UMAD1: variants seen among roughly 807,000 people sequenced by gnomAD.
UMAD1 encodes UBAP1-MVB12-associated (UMA) domain containing 1, also known as UBAP1-MVB12-associated (UMA)-domain containing protein 1.
UMAD1 carries 8 observed loss-of-function variants against 6.1 expected under a neutral mutation model. The observed-to-expected ratio is 1.30, with a 90% CI of 0.76 to 2.35. UMAD1 has a LOEUF of 2.35. UMAD1 is among the 30% of genes most tolerant of loss of function. The probability of loss-of-function intolerance (pLI) is 0.00; values close to 1 mark genes in which losing one functional copy is unlikely to be tolerated. For missense variants in UMAD1, 130 were observed against 78.4 expected (o/e 1.66, Z -2.49); for synonymous variants, 56 against 31.4 (o/e 1.78, Z -2.61).
At chr7:7,690,088 T>C (rs1250376483) in intron 2 of UMAD1, among the ~76,000 whole-genome samples, 1 of 152,182 alleles carries the variant, frequency 6.6e-6, no homozygotes, top group Non-Finnish European at 1.5e-5. Flanking sequence ...CCCATTTGAT[T>C]TTCAGGAACG....
In UMAD1 at chr7:7,804,610, T is replaced by A. The variant is rs113008585; in HGVS notation, c.156+2867T>A. 5.0e-4 allele frequency among the ~76,000 whole-genome samples: 76 copies of A among 151,880 alleles called. 1 individual carries two copies. Among genetic ancestry groups the A allele is most frequent in the African/African-American group, 1.8e-3 (75 of 41,354 alleles). On this transcript the variant is annotated intron_variant, in intron 3 of 3. Coordinates refer to ENST00000682710, the MANE Select transcript of UMAD1 (RefSeq NM_001302348.2). ...ACTGCTTGAAACTGGGAGGCGGAGGTTGCAGTGAGCCAAGATTGTGCCACT... is the reference window on the plus strand; with the variant it reads ...ACTGCTTGAAACTGGGAGGCGGAGGATGCAGTGAGCCAAGATTGTGCCACT...
chr7:7,675,647 C>T (rs143140146), intron 2 of UMAD1, among the ~76,000 whole-genome samples: 2 of 152,330 alleles, frequency 1.3e-5, no homozygotes, highest in African/African-American at 4.8e-5. Flanking sequence ...AATATGCTCT[C>T]AGTACCAGCT....
chr7:7,641,001 G>A (rs10251718), intron 1 of UMAD1, 180 bp downstream of exon 1: 3 of 153,312 alleles, frequency 2.0e-5, no homozygotes, highest in African/African-American at 7.3e-5. Context: ...GGAGGCGCGG[G>A]AGTTTTGCGG....
chr7:7,650,979 G>C (rs989842950), intron 1 of UMAD1, among the ~76,000 whole-genome samples: 1 of 152,046 alleles, frequency 6.6e-6, no homozygotes, highest in Non-Finnish European at 1.5e-5. Flanking sequence ...CCCCATATTT[G>C]CTCTCTTAAA....
chr7:7,811,111 C>T (rs1783013816), intron 3 of UMAD1, among the ~76,000 whole-genome samples: 1 of 152,152 alleles, frequency 6.6e-6, no homozygotes, highest in Admixed American at 6.6e-5. Context: ...CTGGCTTGGA[C>T]ACATATTTGT....
intron 2 of UMAD1, among the ~76,000 whole-genome samples, chr7:7,791,976 T>C (rs6969913): frequency 0.7 from 106,609 of 152,114 alleles, 37,538 homozygotes; most frequent in East Asian, 0.82. Context: ...TTCTTTATAT[T>C]TTAGCAATCG....
At chr7:7,654,260 T>G (rs1388069317) in intron 1 of UMAD1, among the ~76,000 whole-genome samples, 1 of 152,088 alleles carries the variant, frequency 6.6e-6, no homozygotes, top group Non-Finnish European at 1.5e-5. Context: ...TGGAGGAGAG[T>G]AAAATTGTTT....
In UMAD1 at chr7:7,876,246, G is replaced by A. The variant is rs556990934; in HGVS notation, c.157-1035G>A. Among the ~76,000 whole-genome samples the A allele has an allele frequency of 9.9e-5, 15 of 152,230 alleles. No homozygotes were observed. In the South Asian group the frequency reaches 2.9e-3, roughly 29 times the overall value. The stretch of plus-strand genomic sequence containing the variant: ...AGGCAGAAGCAGGCTCGGTGTGCAC[G>A]AGCAAGCACTTGCAAGGAGCACTAG... On this transcript the variant is annotated intron_variant, in intron 3 of 3. Coordinates refer to ENST00000682710, the MANE Select transcript of UMAD1 (RefSeq NM_001302348.2).
chr7:7,667,708 A>G (rs973419087), intron 1 of UMAD1, among the ~76,000 whole-genome samples: 1 of 152,202 alleles, frequency 6.6e-6, no homozygotes, highest in Non-Finnish European at 1.5e-5. Context: ...ACTGACAAAG[A>G]CAGAAATGGA....
chr7:7,656,830 A>C (rs1284731095), intron 1 of UMAD1, among the ~76,000 whole-genome samples: 1 of 152,244 alleles, frequency 6.6e-6, no homozygotes, highest in Non-Finnish European at 1.5e-5. Context: ...GTATATACCC[A>C]GTAATGGGAT....
At chr7:7,683,304 A>G (rs1457901313) in intron 2 of UMAD1, among the ~76,000 whole-genome samples, 1 of 152,152 alleles carries the variant, frequency 6.6e-6, no homozygotes, top group Non-Finnish European at 1.5e-5. Context: ...TTCTGATTAA[A>G]AGGTCCTGGG....
At chr7:7,796,347 G>C (rs2115269097) in intron 2 of UMAD1, among the ~76,000 whole-genome samples, 1 of 140,560 alleles carries the variant, frequency 7.1e-6, no homozygotes, top group Non-Finnish European at 1.5e-5. Context: ...CGCCTCCCAG[G>C]TTCAAGTGAT....
At chr7:7,704,766 CAAAAAAAAAA>C (rs71011001) in intron 2 of UMAD1, among the ~76,000 whole-genome samples, 221 of 17,850 alleles carry the variant, frequency 0.012, no homozygotes, top group African/African-American at 0.043. Context: ...GACTCCATCT[CAAAAAAAAAA>C]AAAAAAAAAA....
intron 2 of UMAD1, among the ~76,000 whole-genome samples, chr7:7,707,486 GC>G (rs1780635839): frequency 6.6e-6 from 1 of 152,156 alleles, no homozygotes; most frequent in African/African-American, 2.4e-5. Flanking sequence ...CAGTGGGAAT[GC>G]CATATGCTCT....
chr7:7,758,056 A>T (rs559363525), intron 2 of UMAD1, among the ~76,000 whole-genome samples: 145 of 152,124 alleles, frequency 9.5e-4, no homozygotes, highest in African/African-American at 3.0e-3. Flanking sequence ...GGGTTTTTTT[A>T]AAATTATTTT....
At chr7:7,713,039 A>T (rs1385029597) in intron 2 of UMAD1, among the ~76,000 whole-genome samples, 3 of 152,114 alleles carry the variant, frequency 2.0e-5, no homozygotes, top group Non-Finnish European at 4.4e-5. Flanking sequence ...GTGATTGCTC[A>T]TTCAAAAAAT....
chr7:7,716,720 C>T (rs1468988624), intron 2 of UMAD1, among the ~76,000 whole-genome samples: 1 of 152,132 alleles, frequency 6.6e-6, no homozygotes, highest in African/African-American at 2.4e-5. Context: ...CCGAGGCAGG[C>T]GGATCACGAG....
chr7:7,749,098 T>C (rs1781630069), intron 2 of UMAD1, among the ~76,000 whole-genome samples: 1 of 152,250 alleles, frequency 6.6e-6, no homozygotes, highest in Non-Finnish European at 1.5e-5. Flanking sequence ...CATGAGCCTT[T>C]CCATACTTGG....
chr7:7,871,308 T>G lies in UMAD1; in HGVS notation c.157-5973T>G, dbSNP rs551825284. 2.2e-4 allele frequency among the ~76,000 whole-genome samples: 33 copies of G among 152,338 alleles called. No individual in the cohort carries two copies. In the South Asian group the frequency reaches 3.3e-3, roughly 15 times the overall value. ...ATTTTCTAATGCTGTACCCTAAAAT[T>G]GTTGAAGCACTGTTCATTCAGTCAA... On this transcript the variant is annotated intron_variant, in intron 3 of 3. Coordinates refer to ENST00000682710, the MANE Select transcript of UMAD1 (RefSeq NM_001302348.2).
Sources: allele counts gnomAD v4.1 joint callset (sites outside exome capture counted in the v4.1 genomes callset), GRCh38; gene constraint gnomAD v4.1.1; transcripts MANE v1.5; gene names NCBI Gene and HGNC (gene_info 2026-07-23, HGNC 2026-07-21).